Variants in SMARCC1 observed in about 807,000 individuals in gnomAD.
The protein encoded by SMARCC1 is SWI/SNF related BAF chromatin remodeling complex subunit C1.
In SMARCC1, 43 loss-of-function variants were observed where a neutral mutation model predicts 147.4. The ratio of observed to expected loss-of-function variants is 0.29; its 90% CI spans 0.23 to 0.38. The LOEUF is 0.38. Ranked by LOEUF, SMARCC1 falls within the 10% of genes least tolerant of loss-of-function variation. SMARCC1 has a pLI of 1.00. For missense variants in SMARCC1, 1,119 were observed against 1,381.1 expected, an observed-to-expected ratio of 0.81 and a Z score of 3.01; for synonymous variants, 495 against 484.4, an observed-to-expected ratio of 1.02 and a Z score of -0.29.
chr3:47,714,361 T>G (rs1313254601), intron 8 of SMARCC1, 54 bp downstream of exon 8: 5 of 1,112,274 alleles, frequency 4.5e-6, no homozygotes, highest in Non-Finnish European at 6.8e-6. Flanking sequence ...AGACGCCATC[T>G]CAAAAAAAAT....
At chr3:47,645,161 C>T (rs950332875) in intron 21 of SMARCC1, among the ~76,000 whole-genome samples, 1 of 152,090 alleles carries the variant, frequency 6.6e-6, no homozygotes, top group Non-Finnish European at 1.5e-5. Context: ...CTTATGGTCC[C>T]AGCTACAAAG....
At position 47,706,548 on chromosome 3, in the gene SMARCC1, G is replaced by T. The variant is rs371027493; in HGVS notation, c.919-18C>A. The T allele has an allele frequency of 3.3e-6, 5 of 1,533,948 alleles. No homozygotes were observed. The Middle Eastern group carries it at 5.8e-4, about 178-fold the overall frequency. On this transcript the variant is annotated intron_variant, in intron 9 of 27. Coordinates refer to ENST00000254480, the MANE Select transcript of SMARCC1 (RefSeq NM_003074.4). ...CTGACTGGCTAGGAAGAAGTAAATG[G>T]AAATAAGTATCAGCTATCTTTGCTC...
intron 11 of SMARCC1, among the ~76,000 whole-genome samples, chr3:47,697,959 G>C (rs1349861537): frequency 8.7e-6 from 1 of 114,970 alleles, no homozygotes; most frequent in African/African-American, 3.3e-5. Context: ...AGTGAGTCGA[G>C]ATCGCGCCAC....
chr3:47,670,675 T>A lies in SMARCC1; in HGVS notation c.1882A>T (p.Thr628Ser). 6.3e-7 allele frequency: 1 copy of A among 1,585,544 alleles called. No individual in the cohort carries two copies. The highest frequency in any genetic ancestry group is 8.7e-7 in the Non-Finnish European group (1 of 1,153,798). Residue 628 changes from threonine to serine, a missense_variant, in exon 19 of 28, where the codon ACC becomes TCC. This residue lies in a region of SMARCC1 where 178 missense variants were observed against 264.6 expected (regional missense o/e 0.67). Transcript: ENST00000254480. ...CTGCTTACCTCCAGGAGTAGAAGGG[T>A]CTCCTGTTCAGTCCATTCTCTTCCA... ...SAGREWTEQE[T>S]LLLLEALEMY...
chr3:47,594,866 C>G (rs745687655), intron 26 of SMARCC1, among the ~76,000 whole-genome samples: 4 of 152,160 alleles, frequency 2.6e-5, no homozygotes, highest in Non-Finnish European at 4.4e-5. Context: ...TGGCCCACCC[C>G]CAGGGGATAT....
intron 2 of SMARCC1, among the ~76,000 whole-genome samples, chr3:47,749,736 CAGAGAGAGAG>C (rs71070224): frequency 3.3e-4 from 37 of 110,856 alleles, no homozygotes; most frequent in Non-Finnish European, 3.5e-4. Context: ...GAGAAAGAGA[CAGAGAGAGAG>C]AGAGAGAGAG....
intron 21 of SMARCC1, among the ~76,000 whole-genome samples, chr3:47,657,847 A>C (rs757139424): frequency 6.6e-6 from 1 of 152,068 alleles, no homozygotes; most frequent in Non-Finnish European, 1.5e-5. Context: ...ACTTGAGAAG[A>C]ATGGAAACAT....
At chr3:47,774,433 G>C (rs950129584) in intron 1 of SMARCC1, among the ~76,000 whole-genome samples, 8 of 151,696 alleles carry the variant, frequency 5.3e-5, no homozygotes, top group Non-Finnish European at 8.8e-5. Flanking sequence ...TTTTGTGTGT[G>C]TGTTTTTGGA....
Position 47,618,133 on chromosome 3 carries a change from T to C in SMARCC1, c.2781+4074A>G, listed in dbSNP as rs1473916807. On this transcript the variant is annotated intron_variant, in intron 25 of 27. Coordinates refer to ENST00000254480, the MANE Select transcript of SMARCC1 (RefSeq NM_003074.4). ...ATGGAAGAATTCAAGCAGAGCAGCG[T>C]TGTGTATTGGGATGGAGTCCGGAGA... 2.6e-5 allele frequency among the ~76,000 whole-genome samples: 4 copies of C among 152,044 alleles called. No individual in the cohort carries two copies. In the East Asian group the frequency reaches 5.8e-4, roughly 22 times the overall value.
chr3:47,612,199 A>G (rs2032573855), intron 25 of SMARCC1, among the ~76,000 whole-genome samples: 1 of 152,232 alleles, frequency 6.6e-6, no homozygotes, highest in Non-Finnish European at 1.5e-5. Flanking sequence ...TTAGTAAGTA[A>G]GAGGCAAAAT....
intron 11 of SMARCC1, among the ~76,000 whole-genome samples, chr3:47,693,764 G>A (rs1276427223): frequency 6.6e-6 from 1 of 152,164 alleles, no homozygotes; most frequent in East Asian, 1.9e-4. Context: ...CCAGGCTCAA[G>A]CGATCCTTTG....
At chr3:47,732,850 C>T (rs995512531) in intron 5 of SMARCC1, among the ~76,000 whole-genome samples, 5 of 152,098 alleles carry the variant, frequency 3.3e-5, no homozygotes, top group African/African-American at 7.2e-5. Context: ...TGGCTCACAC[C>T]TGTAATCCCA....
chr3:47,626,910 T>A (rs1251890097), intron 24 of SMARCC1, among the ~76,000 whole-genome samples: 1 of 152,136 alleles, frequency 6.6e-6, no homozygotes, highest in African/African-American at 2.4e-5. Flanking sequence ...AAACCTCAGT[T>A]ACCCCTGTCA....
chr3:47,671,488 A>AT (rs1210002307), intron 18 of SMARCC1, among the ~76,000 whole-genome samples: 6 of 152,120 alleles, frequency 3.9e-5, no homozygotes, highest in African/African-American at 1.4e-4. Flanking sequence ...ATATTATCTC[A>AT]TTTTAAAACA....
intron 14 of SMARCC1, among the ~76,000 whole-genome samples, chr3:47,680,772 C>T (rs912545923): frequency 5.3e-5 from 8 of 151,860 alleles, no homozygotes; most frequent in African/African-American, 1.7e-4. Context: ...TGGTCTCGAT[C>T]TCCTGACCTC....
intron 19 of SMARCC1, among the ~76,000 whole-genome samples, chr3:47,667,577 G>C (rs943261660): frequency 1.3e-5 from 2 of 152,032 alleles, no homozygotes; most frequent in Non-Finnish European, 2.9e-5. Context: ...ATCAGTTGTG[G>C]ACTTAAAAGA....
chr3:47,761,961 T>C (rs2034779325), intron 2 of SMARCC1, among the ~76,000 whole-genome samples: 1 of 152,048 alleles, frequency 6.6e-6, no homozygotes, highest in South Asian at 2.1e-4. Flanking sequence ...TTTGTATTTT[T>C]AGTAGAGACA....
chr3:47,644,682 A>G (rs2033095065), intron 21 of SMARCC1, among the ~76,000 whole-genome samples: 1 of 151,696 alleles, frequency 6.6e-6, no homozygotes, highest in South Asian at 2.1e-4. Flanking sequence ...TAATTTTTGT[A>G]TTTTTAGTAG....
At chr3:47,774,775 C>G (rs1275637701) in intron 1 of SMARCC1, among the ~76,000 whole-genome samples, 1 of 151,836 alleles carries the variant, frequency 6.6e-6, no homozygotes, top group Admixed American at 6.6e-5. Flanking sequence ...TAATTTGCAA[C>G]AAAAACTAGC....
Sources: allele counts gnomAD v4.1 joint callset (sites outside exome capture counted in the v4.1 genomes callset), GRCh38; gene constraint gnomAD v4.1.1; regional missense constraint gnomAD v4.1.1; transcripts MANE v1.5; gene names NCBI Gene and HGNC (gene_info 2026-07-23, HGNC 2026-07-21).